The following DNAH10 variants were observed in gnomAD, a reference collection of about 807,000 sequenced individuals.
DNAH10 encodes the protein dynein axonemal heavy chain 10.
Under a neutral mutation model 506.6 loss-of-function variants are expected in DNAH10, and 348 were observed. The ratio of observed to expected loss-of-function variants is 0.69; its 90% confidence interval spans 0.63 to 0.75. The LOEUF (loss-of-function observed/expected upper bound fraction) is 0.75. Ranked by LOEUF, DNAH10 falls within the 30% of genes least tolerant of loss-of-function variation. The probability of loss-of-function intolerance (pLI) is 0.00; values close to 1 mark genes in which losing one functional copy is unlikely to be tolerated. For synonymous variants in DNAH10, 2,059 were observed against 2,198.6 expected (o/e 0.94, Z 1.78); for missense variants, 5,179 against 5,787.1 (o/e 0.89, Z 3.41).
rs1350689276 is a variant in DNAH10 at position 123,934,752 on chromosome 12, C to T, written c.13609C>T (p.Arg4537Cys). 8.7e-6 allele frequency: 14 copies of T among 1,613,662 alleles called. No homozygotes were observed. Among genetic ancestry groups the T allele is most frequent in the East Asian group, 2.2e-5 (1 of 44,888 alleles). The change falls in exon 78 of 79, where the codon CGC becomes TGC. Residue 4537 changes from arginine to cysteine, a missense_variant. Physicochemically the swap from Arg to Cys is radical, Grantham distance 180. Around this residue, in one of 3 missense-constraint regions of DNAH10, gnomAD observed 4,844 missense variants for 5,430.5 expected, o/e 0.89. Transcript: ENST00000673944. Reference sequence around the variant, plus strand: ...GAAGATCATCCCCATTGAAGCCCATCGCCTCAAGCTGCAGGTGAAGGTCCC... The same window carrying T: ...GAAGATCATCCCCATTGAAGCCCATTGCCTCAAGCTGCAGGTGAAGGTCCC... ...ILKIIPIEAH[R>C]LKLQNTFRTP... is the part of the protein sequence containing the mutation.
Position 123,923,758 on chromosome 12 carries a change from T to C in DNAH10, c.11507-5T>C, listed in dbSNP as rs780778284. On this transcript the variant is annotated splice_region_variant and splice_polypyrimidine_tract_variant and intron_variant, in intron 65 of 78. Transcript: ENST00000673944. ...AATCAATACTCATCTGATGTTTCCC[T>C]CCAGGGCTGTTTGAGAGGCACAAGC... The C allele has an allele frequency of 1.9e-6, 3 of 1,600,984 alleles. No individual in the cohort carries two copies. The highest frequency in any genetic ancestry group is 2.2e-5 in the East Asian group (1 of 44,738).
At chr12:123,800,497 T>A (rs1447842009) in intron 15 of DNAH10, 109 bp downstream of exon 15, 2 of 1,080,296 alleles carry the variant, frequency 1.9e-6, no homozygotes, top group African/African-American at 3.2e-5. Flanking sequence ...TTTTGTGGAT[T>A]TTATAATTAT....
chr12:123,764,150 A>G (rs188275698), intron 1 of DNAH10, among the ~76,000 whole-genome samples: 314 of 152,282 alleles, frequency 2.1e-3, no homozygotes, highest in Middle Eastern at 6.8e-3. Context: ...ACAGGTGTGA[A>G]CCATCGCGCT....
chr12:123,897,316 G>A (rs969489980), intron 54 of DNAH10, among the ~76,000 whole-genome samples: 10 of 152,190 alleles, frequency 6.6e-5, no homozygotes, highest in Admixed American at 4.6e-4. Context: ...TGGCATACAA[G>A]AATTCATTTG....
chr12:123,826,977 C>G (rs1272364710), intron 25 of DNAH10, 79 bp downstream of exon 25: 1 of 1,319,368 alleles, frequency 7.6e-7, no homozygotes, highest in Admixed American at 2.4e-5. Flanking sequence ...AGTACATTAT[C>G]TTTGGTCTGA....
At chr12:123,825,802 A>G (rs1959922198) in intron 24 of DNAH10, among the ~76,000 whole-genome samples, 1 of 152,158 alleles carries the variant, frequency 6.6e-6, no homozygotes. Flanking sequence ...ACAGCTTATT[A>G]TATACCAGTT....
At chr12:123,851,630 A>T (rs984736634) in intron 35 of DNAH10, among the ~76,000 whole-genome samples, 3 of 152,250 alleles carry the variant, frequency 2.0e-5, no homozygotes, top group Admixed American at 2.0e-4. Context: ...CACAAGTGCC[A>T]TTAACTCAGG....
In DNAH10 at chr12:123,847,961, G is replaced by C; in HGVS notation, c.5815G>C (p.Ala1939Pro). 1 of 1,608,852 alleles carries C rather than the reference G, an allele frequency of 6.2e-7. No individual in the cohort carries two copies. Among genetic ancestry groups the C allele is most frequent in the Non-Finnish European group, 8.5e-7 (1 of 1,177,960 alleles). Reference sequence around the variant, plus strand: ...ATGTTTTGCATTTGGCTTATAACAGGCGCTGTCCATGTATCTAGGTGGGGC... The same window carrying C: ...ATGTTTTGCATTTGGCTTATAACAGCCGCTGTCCATGTATCTAGGTGGGGC... ...TDRIYLTLTQALSMYLGGAPA... is the reference protein window; with the variant it reads ...TDRIYLTLTQPLSMYLGGAPA... Residue 1939 changes from alanine (A) to proline (P), a missense_variant and splice_region_variant, in exon 33 of 79, where the codon GCG becomes CCG. Transcript: ENST00000673944.
Position 123,926,582 on chromosome 12 carries a change from C to G in DNAH10, c.11922-55C>G. The G allele has an allele frequency of 1.3e-6, 2 of 1,573,044 alleles. No homozygotes were observed. The highest frequency in any genetic ancestry group is 1.7e-6 in the Non-Finnish European group (2 of 1,157,598). On this transcript the variant is annotated intron_variant, in intron 68 of 78. Transcript: ENST00000673944. This position sits in a 1 kb window ranked among gnomAD's most constrained non-coding sequence, Gnocchi z 4.1. ...GCAGCGCTGATCAGACAGACCAGCCCCTGGTCTGGAGCTGTCCTCGCGGGA... is the reference window on the plus strand; with the variant it reads ...GCAGCGCTGATCAGACAGACCAGCCGCTGGTCTGGAGCTGTCCTCGCGGGA...
chr12:123,892,946 C>G (rs975600607), intron 52 of DNAH10, among the ~76,000 whole-genome samples: 1 of 152,236 alleles, frequency 6.6e-6, no homozygotes, highest in South Asian at 2.1e-4. Flanking sequence ...TTCGGAGTTA[C>G]AGGCAAGTGA....
intron 5 of DNAH10, among the ~76,000 whole-genome samples, chr12:123,778,188 G>T (rs1179002058): frequency 7.3e-6 from 1 of 136,748 alleles, no homozygotes; most frequent in African/African-American, 2.8e-5. Context: ...GGGTGACAGA[G>T]AGATACTCCA....
At chr12:123,847,799 C>T (rs1486477508) in intron 32 of DNAH10, among the ~76,000 whole-genome samples, 162 bp from the exon 33 acceptor site, 2 of 152,208 alleles carry the variant, frequency 1.3e-5, no homozygotes, top group African/African-American at 2.4e-5. Flanking sequence ...AATGTTTAGC[C>T]AGCTACCTGG....
At chr12:123,923,723 A>T in intron 65 of DNAH10, 40 bp from the exon 66 acceptor site, 1 of 1,469,000 alleles carries the variant, frequency 6.8e-7, no homozygotes. Context: ...TTTAAAAATG[A>T]ATTTTAAGAA....
chr12:123,777,835 A>AT lies in DNAH10; in HGVS notation c.622-3235dup, dbSNP rs71444917. On this transcript the variant is annotated intron_variant, in intron 5 of 78. Coordinates refer to ENST00000673944, the MANE Select transcript of DNAH10 (RefSeq NM_001372106.1). ...GCCACAATGCCTGGATGATTTTTGT[A>AT]TTTTTTTTTTAAAGACGGTGTCTCA... Among the ~76,000 whole-genome samples the AT allele has an allele frequency of 7.8e-4, 118 of 150,364 alleles. 1 individual carries two copies. In the Middle Eastern group the frequency reaches 0.01, roughly 13 times the overall value.
chr12:123,826,615 C>T (rs76602994), intron 24 of DNAH10, 72 bp from the exon 25 acceptor site: 19,101 of 1,399,342 alleles, frequency 0.014, 206 homozygotes, highest in South Asian at 0.037. Context: ...GACTAAGAGT[C>T]AAGAACTTGC....
chr12:123,835,978 G>A (rs1410613417), intron 28 of DNAH10, among the ~76,000 whole-genome samples: 1 of 152,222 alleles, frequency 6.6e-6, no homozygotes, highest in Non-Finnish European at 1.5e-5. Flanking sequence ...AATCTGTCTA[G>A]TAAAAATTCC....
At chr12:123,864,868 T>A in intron 40 of DNAH10, 138 bp downstream of exon 40, 1 of 1,119,502 alleles carries the variant, frequency 8.9e-7, no homozygotes. Flanking sequence ...AATACAACTC[T>A]TTGTTCTTTA....
intron 4 of DNAH10, among the ~76,000 whole-genome samples, chr12:123,773,254 G>A (rs1041340174): frequency 2.6e-5 from 4 of 152,224 alleles, no homozygotes; most frequent in Admixed American, 6.5e-5. Flanking sequence ...TTGTTTCCCA[G>A]TTAGATCAAG....
rs188659773 is a variant in DNAH10 at position 123,914,231 on chromosome 12, C to T, written c.10353-98C>T. ...TCAAAACATGTTTCCATCTGGCTAGCCCTGTTAGCAAGGTATCAAGCTGGT... is the reference window on the plus strand; with the variant it reads ...TCAAAACATGTTTCCATCTGGCTAGTCCTGTTAGCAAGGTATCAAGCTGGT... On this transcript the variant is annotated intron_variant, in intron 60 of 78. Coordinates refer to ENST00000673944, the MANE Select transcript of DNAH10 (RefSeq NM_001372106.1). 8.3e-6 allele frequency: 9 copies of T among 1,086,014 alleles called. No homozygotes were observed. In the Admixed American group the frequency reaches 9.4e-5, roughly 11 times the overall value. The allele number at this position is 1,086,014 out of a possible 1,614,324, so 67.3% of individuals were successfully genotyped here.
Sources: gnomAD v4.1 joint callset for allele counts (sites outside exome capture counted in the v4.1 genomes callset) on GRCh38, gnomAD v4.1.1 for gene constraint, gnomAD v4.1.1 regional missense constraint, Gnocchi (gnomAD v3.1) non-coding constraint, MANE v1.5 for transcripts, NCBI Gene and HGNC (gene_info 2026-07-23, HGNC 2026-07-21) for gene names.